The following TANGO6 variants were observed in gnomAD, a reference collection of about 807,000 sequenced individuals.
TANGO6 encodes the protein transport and Golgi organization protein 6 homolog.
TANGO6 carries 90 observed loss-of-function variants against 114.2 expected under a neutral mutation model. The ratio of observed to expected loss-of-function variants is 0.79; its 90% CI spans 0.66 to 0.94. TANGO6 has a LOEUF of 0.94. Among genes scored for constraint, TANGO6 ranks in the 40% least tolerant of loss-of-function variants. The pLI is 0.00. For missense variants in TANGO6, 1,274 were observed against 1,315.3 expected, an observed-to-expected ratio of 0.97 and a Z score of 0.49; for synonymous variants, 477 against 509.8, an observed-to-expected ratio of 0.94 and a Z score of 0.87.
chr16:69,078,300 C>A (rs1960418148), intron 17 of TANGO6, among the ~76,000 whole-genome samples: 1 of 152,200 alleles, frequency 6.6e-6, no homozygotes, highest in South Asian at 2.1e-4. Flanking sequence ...CCTGCCTTCA[C>A]TCCCCAGTGT....
At position 69,077,090 on chromosome 16, in the gene TANGO6, A is replaced by G. The variant is rs28702993; in HGVS notation, c.3109-6395A>G. On this transcript the variant is annotated intron_variant, in intron 17 of 17. Transcript: ENST00000261778. ...AGGGTCTCACTCTGTCTCCCAGGATAGAGTGCAGTGGCACGATCACAGTTC... is the reference window on the plus strand; with the variant it reads ...AGGGTCTCACTCTGTCTCCCAGGATGGAGTGCAGTGGCACGATCACAGTTC... 1.4e-3 allele frequency among the ~76,000 whole-genome samples: 218 copies of G among 152,082 alleles called. 1 individual carries two copies. Among genetic ancestry groups the G allele is most frequent in the African/African-American group, 5.1e-3 (213 of 41,466 alleles).
At chr16:69,055,896 G>A (rs976209820) in intron 17 of TANGO6, among the ~76,000 whole-genome samples, 13 of 152,002 alleles carry the variant, frequency 8.6e-5, no homozygotes, top group Non-Finnish European at 1.9e-4. Flanking sequence ...AAAATTAGCC[G>A]GGAGTGGTGG....
chr16:68,848,952 G>A (rs1314929732), intron 1 of TANGO6, among the ~76,000 whole-genome samples: 2 of 152,024 alleles, frequency 1.3e-5, no homozygotes, highest in Non-Finnish European at 2.9e-5. Flanking sequence ...GCTCATCTGA[G>A]GTATTTCCTG....
In TANGO6 at chr16:69,040,411, A is replaced by T; in HGVS notation, c.3098A>T (p.Lys1033Ile). ...CTGCTGCTTCGGGGACTCAGCCAGA[A>T]AGCTACTGAGGTCAGTCCGTCTCTC... ...VVLLLRGLSQ[K>I]ATEVLSAVLK... Residue 1033 changes from lysine to isoleucine, a missense_variant, in exon 17 of 18, where the codon AAA (lysine) becomes ATA (isoleucine). Coordinates refer to ENST00000261778, the MANE Select transcript of TANGO6 (RefSeq NM_024562.2). The T allele has an allele frequency of 6.2e-7, 1 of 1,601,816 alleles. No homozygotes were observed. Among genetic ancestry groups the T allele is most frequent in the Non-Finnish European group, 8.5e-7 (1 of 1,174,308 alleles).
chr16:68,979,006 C>T (rs1041551484), intron 15 of TANGO6, among the ~76,000 whole-genome samples: 9 of 147,946 alleles, frequency 6.1e-5, no homozygotes, highest in African/African-American at 2.3e-4. Context: ...CTTACTGCAT[C>T]CTTGGCCTGT....
intron 17 of TANGO6, among the ~76,000 whole-genome samples, chr16:69,075,023 G>A (rs886858402): frequency 1.3e-5 from 2 of 151,760 alleles, no homozygotes; most frequent in Non-Finnish European, 2.9e-5. Flanking sequence ...TAATTTTTTA[G>A]TAGAGACGGG....
chr16:68,867,041 A>C, intron 3 of TANGO6, 38 bp from the exon 4 acceptor site: 1 of 1,488,882 alleles, frequency 6.7e-7, no homozygotes, highest in Admixed American at 2.0e-5. Flanking sequence ...TATCTATTTC[A>C]GTGACATTCA....
At chr16:68,921,358 A>G (rs1369012354) in intron 12 of TANGO6, among the ~76,000 whole-genome samples, 2 of 151,200 alleles carry the variant, frequency 1.3e-5, no homozygotes, top group African/African-American at 4.9e-5. Flanking sequence ...AATTTTTTGT[A>G]TTTATAGTAG....
chr16:69,072,720 G>A (rs929410206), intron 17 of TANGO6, among the ~76,000 whole-genome samples: 3 of 152,168 alleles, frequency 2.0e-5, no homozygotes, highest in Non-Finnish European at 2.9e-5. Context: ...ACTAAAAACA[G>A]AGATCCGGTA....
intron 14 of TANGO6, among the ~76,000 whole-genome samples, chr16:68,968,610 C>T (rs557819569): frequency 6.6e-6 from 1 of 151,972 alleles, no homozygotes; most frequent in Admixed American, 6.6e-5. Flanking sequence ...GGTGGTCCAC[C>T]CGCCTCGGCC....
intron 4 of TANGO6, among the ~76,000 whole-genome samples, chr16:68,873,538 G>A (rs1256089837): frequency 2.0e-5 from 3 of 150,048 alleles, no homozygotes; most frequent in Non-Finnish European, 4.5e-5. Flanking sequence ...GGTCTCAAAC[G>A]CCTGACCTCA....
At chr16:68,973,626 G>C (rs1330240990) in intron 14 of TANGO6, among the ~76,000 whole-genome samples, 1 of 152,212 alleles carries the variant, frequency 6.6e-6, no homozygotes, top group Non-Finnish European at 1.5e-5. Flanking sequence ...AGGAAACTCA[G>C]CCATGAGCTT....
At chr16:69,063,740 T>C (rs1357682728) in intron 17 of TANGO6, among the ~76,000 whole-genome samples, 1 of 149,232 alleles carries the variant, frequency 6.7e-6, no homozygotes, top group Non-Finnish European at 1.5e-5. Flanking sequence ...ATGGTATCAT[T>C]CAGAGGCAAT....
chr16:69,050,582 C>CTG (rs1959933413), intron 17 of TANGO6, among the ~76,000 whole-genome samples: 1 of 151,746 alleles, frequency 6.6e-6, no homozygotes, highest in African/African-American at 2.4e-5. Flanking sequence ...CTCCGCCTCC[C>CTG]GGGTTCAAGC....
intron 4 of TANGO6, 107 bp from the exon 5 acceptor site, chr16:68,875,047 T>C: frequency 8.2e-7 from 1 of 1,226,440 alleles, no homozygotes; most frequent in Non-Finnish European, 1.1e-6. Flanking sequence ...CTATTTTCAA[T>C]AGAAAAGATA....
chr16:69,039,505 G>A (rs1017449467), intron 16 of TANGO6, among the ~76,000 whole-genome samples: 2 of 151,612 alleles, frequency 1.3e-5, no homozygotes, highest in African/African-American at 2.4e-5. Context: ...GCATGGTGGC[G>A]CACACCTGTA....
At chr16:68,934,190 A>ATG (rs1223249973) in intron 14 of TANGO6, among the ~76,000 whole-genome samples, 1 of 151,924 alleles carries the variant, frequency 6.6e-6, no homozygotes, top group East Asian at 1.9e-4. Flanking sequence ...CTACAGATGC[A>ATG]TGCCAACACA....
chr16:69,029,672 C>T (rs550919282), intron 16 of TANGO6, among the ~76,000 whole-genome samples: 1 of 152,162 alleles, frequency 6.6e-6, no homozygotes, highest in East Asian at 1.9e-4. Flanking sequence ...CAGTGCTAAA[C>T]AGGGTATCAG....
At chr16:68,918,038 C>T (rs1423620204) in intron 11 of TANGO6, among the ~76,000 whole-genome samples, 1 of 151,848 alleles carries the variant, frequency 6.6e-6, no homozygotes, top group Non-Finnish European at 1.5e-5. Context: ...TCCACCTCAG[C>T]CTCCCGAGTA....
Sources: allele counts gnomAD v4.1 joint callset (sites outside exome capture counted in the v4.1 genomes callset), GRCh38; gene constraint gnomAD v4.1.1; transcripts MANE v1.5; gene names NCBI Gene and HGNC (gene_info 2026-07-23, HGNC 2026-07-21).